STRBP: variants seen among roughly 807,000 people sequenced by gnomAD.
The protein encoded by STRBP is spermatid perinuclear RNA-binding protein.
A neutral mutation model predicts 80.1 loss-of-function variants in STRBP; 13 were observed. That is an observed-to-expected ratio of 0.16 (90% CI 0.11 to 0.26). STRBP has a LOEUF of 0.26. Ranked by LOEUF, STRBP falls within the 10% of genes least tolerant of loss-of-function variation. STRBP has a pLI of 1.00. For synonymous variants in STRBP, 284 were observed against 291.2 expected, an observed-to-expected ratio of 0.98 and a Z score of 0.25; for missense variants, 485 against 815.2, an observed-to-expected ratio of 0.59 and a Z score of 4.93.
At position 123,186,384 on chromosome 9, in the gene STRBP, A is replaced by G. The variant is rs1484292822; in HGVS notation, c.-164-2086T>C. On this transcript the variant is annotated intron_variant, in intron 2 of 18. Transcript: ENST00000348403. ...AATAGATTGAAGGCAGAAAAGGAAG[A>G]ACAATGCTATGAAATAGCTTCAGAT... Among the ~76,000 whole-genome samples, 3 of 152,176 alleles carry G rather than the reference A, an allele frequency of 2.0e-5. No homozygotes were observed. The East Asian group carries it at 5.8e-4, about 29-fold the overall frequency.
At chr9:123,250,503 G>C (rs112904533) in intron 1 of STRBP, among the ~76,000 whole-genome samples, 1 of 151,988 alleles carries the variant, frequency 6.6e-6, no homozygotes, top group African/African-American at 2.4e-5. Context: ...ATTGTAAAAG[G>C]GTCTATAGTT....
chr9:123,229,214 C>G (rs1003064643), intron 2 of STRBP, among the ~76,000 whole-genome samples: 3 of 152,084 alleles, frequency 2.0e-5, no homozygotes, highest in Non-Finnish European at 4.4e-5. Flanking sequence ...CTAAGGGGTA[C>G]AGAGTTTCTT....
intron 5 of STRBP, 145 bp downstream of exon 5, chr9:123,173,532 A>T (rs1249836461): frequency 4.0e-6 from 3 of 756,928 alleles, no homozygotes; most frequent in Non-Finnish European, 6.0e-6. Context: ...GTGATGAATT[A>T]GTCATTGACC....
intron 1 of STRBP, among the ~76,000 whole-genome samples, chr9:123,257,109 T>C (rs975669477): frequency 5.9e-5 from 9 of 152,108 alleles, no homozygotes; most frequent in African/African-American, 2.2e-4. Flanking sequence ...TATCAGTAGC[T>C]CCAACATTCC....
chr9:123,148,012 C>T (rs995745788), intron 11 of STRBP, 142 bp from the exon 12 acceptor site: 7 of 664,264 alleles, frequency 1.1e-5, no homozygotes, highest in Non-Finnish European at 1.6e-5. Context: ...AGTTAAATTA[C>T]CATTATTTAT....
In STRBP at chr9:123,158,039, A is replaced by C; in HGVS notation, c.1018T>G (p.Tyr340Asp). The C allele has an allele frequency of 6.2e-7, 1 of 1,610,590 alleles. No homozygotes were observed. The highest frequency in any genetic ancestry group is 2.2e-5 in the East Asian group (1 of 44,808). The change falls in exon 11 of 19, where the codon TAT becomes GAT. Residue 340 changes from tyrosine (Y) to aspartate (D), a missense_variant. Coordinates refer to ENST00000348403, the MANE Select transcript of STRBP (RefSeq NM_018387.5). ...PLPSSKPFQK[Y>D]SWSVTDKEGA... ...TCTTTATCAGTAACTGACCAGGAAT[A>C]CTTCTGAAAAGGCTTACTAGATGGA...
chr9:123,242,090 T>C (rs2040706923), intron 1 of STRBP, among the ~76,000 whole-genome samples: 1 of 152,226 alleles, frequency 6.6e-6, no homozygotes. Flanking sequence ...GCTGGCTCTT[T>C]CTTGACATTC....
intron 3 of STRBP, chr9:123,180,721 C>T (rs536628026): frequency 6.2e-6 from 1 of 160,308 alleles, no homozygotes; most frequent in East Asian, 1.9e-4. Context: ...AGTCACACAT[C>T]CAAAAACCTT....
intron 1 of STRBP, among the ~76,000 whole-genome samples, chr9:123,242,152 TAATC>T (rs1233078830): frequency 6.6e-6 from 1 of 152,236 alleles, no homozygotes; most frequent in African/African-American, 2.4e-5. Context: ...TTCCCTGATC[TAATC>T]AATCAATTAG....
intron 14 of STRBP, among the ~76,000 whole-genome samples, chr9:123,139,103 C>T (rs2036481760): frequency 6.6e-6 from 1 of 152,140 alleles, no homozygotes; most frequent in South Asian, 2.1e-4. Flanking sequence ...AATGATGACC[C>T]AATGTACCCC....
At chr9:123,196,426 TAA>T (rs1388623305) in intron 2 of STRBP, among the ~76,000 whole-genome samples, 1 of 151,742 alleles carries the variant, frequency 6.6e-6, no homozygotes, top group Non-Finnish European at 1.5e-5. Context: ...ATCAACAAAG[TAA>T]AGAGACAACC....
chr9:123,208,717 C>A (rs1377381000), intron 2 of STRBP, among the ~76,000 whole-genome samples: 2 of 152,148 alleles, frequency 1.3e-5, no homozygotes, highest in African/African-American at 4.8e-5. Flanking sequence ...GTGGCTGGGA[C>A]AAAGTTTTAA....
At chr9:123,160,934 T>TG in intron 7 of STRBP, 43 bp downstream of exon 7, 1 of 1,520,024 alleles carries the variant, frequency 6.6e-7, no homozygotes, top group East Asian at 2.3e-5. Flanking sequence ...AAATGAAACT[T>TG]GGACAAACTT....
chr9:123,139,810 G>T, intron 13 of STRBP, 123 bp from the exon 14 acceptor site: 1 of 919,528 alleles, frequency 1.1e-6, no homozygotes, highest in Non-Finnish European at 1.6e-6. Flanking sequence ...TGCAGGAAGA[G>T]CAAGATGGTA....
At chr9:123,147,172 C>A in intron 12 of STRBP, 118 bp from the exon 13 acceptor site, 1 of 661,112 alleles carries the variant, frequency 1.5e-6, no homozygotes. Context: ...ATGAGGATTT[C>A]AAAACACACA....
intron 3 of STRBP, among the ~76,000 whole-genome samples, chr9:123,181,591 G>A (rs1010734093): frequency 3.9e-5 from 6 of 151,936 alleles, no homozygotes; most frequent in Non-Finnish European, 5.9e-5. Context: ...GAGGTCGGCA[G>A]TTCGAGACCA....
At chr9:123,121,440 GAAAT>G (rs1564207194), downstream of STRBP, 4 of 152,124 alleles carry the variant, frequency 2.6e-5, no homozygotes, top group African/African-American at 9.7e-5. Context: ...AATAAGGTGG[GAAAT>G]AAATAATCTA....
At chr9:123,165,637 T>A (rs972911899) in intron 6 of STRBP, among the ~76,000 whole-genome samples, 1 of 152,152 alleles carries the variant, frequency 6.6e-6, no homozygotes, top group Non-Finnish European at 1.5e-5. Context: ...CAATAGCAAA[T>A]ATATTTCTAA....
intron 2 of STRBP, among the ~76,000 whole-genome samples, chr9:123,201,397 T>G (rs2039321248): frequency 6.6e-6 from 1 of 152,226 alleles, no homozygotes. Flanking sequence ...AAGGTTTTGA[T>G]AACTTGTCTC....
Sources: gnomAD v4.1 joint callset for allele counts (sites outside exome capture counted in the v4.1 genomes callset) on GRCh38, gnomAD v4.1.1 for gene constraint, MANE v1.5 for transcripts, NCBI Gene and HGNC (gene_info 2026-07-23, HGNC 2026-07-21) for gene names.